Variants in MYOF observed in about 807,000 individuals in gnomAD.
MYOF encodes the protein fer-1-like 3, myoferlin.
In MYOF, 244 loss-of-function variants were observed where a neutral mutation model predicts 284.2. The ratio of observed to expected loss-of-function variants is 0.86; its 90% confidence interval spans 0.77 to 0.95. The LOEUF is 0.95. Among genes scored for constraint, MYOF ranks in the 40% least tolerant of loss-of-function variants. MYOF has a pLI of 0.00. For synonymous variants in MYOF, 904 were observed against 919.7 expected (o/e 0.98, Z 0.31); for missense variants, 2,496 against 2,560.6 (o/e 0.97, Z 0.54).
rs1467178422 is a variant in MYOF, at chr10:93,367,053, A to G, written c.2590-498T>C. ...TATACAATTAATGTTGCCATTTCCC[A>G]GGCAGTCCACCAAAAAACCCATCTG... On this transcript the variant is annotated intron_variant, in intron 25 of 53. Coordinates refer to ENST00000359263, the MANE Select transcript of MYOF (RefSeq NM_013451.4). Among the ~76,000 whole-genome samples, 3 of 152,208 alleles carry G rather than the reference A, an allele frequency of 2.0e-5. No individual in the cohort carries two copies. In the East Asian group the frequency reaches 5.8e-4, roughly 29 times the overall value.
intron 19 of MYOF, among the ~76,000 whole-genome samples, chr10:93,382,735 T>G (rs1846182149): frequency 6.6e-6 from 1 of 152,182 alleles, no homozygotes; most frequent in Admixed American, 6.5e-5. Context: ...GCACTGTGCC[T>G]TCTTTTACCA....
At chr10:93,331,303 T>C (rs768372152) in intron 43 of MYOF, among the ~76,000 whole-genome samples, 1 of 152,018 alleles carries the variant, frequency 6.6e-6, no homozygotes, top group African/African-American at 2.4e-5. Flanking sequence ...ACTGGAGCCA[T>C]CTGGGGGCTG....
At chr10:93,459,175 G>A (rs558090569) in intron 1 of MYOF, among the ~76,000 whole-genome samples, 3 of 152,124 alleles carry the variant, frequency 2.0e-5, no homozygotes, top group African/African-American at 7.2e-5. Flanking sequence ...TCCCCTAGAC[G>A]CTGTCCAGAA....
chr10:93,328,500 A>G (rs1400014905), intron 45 of MYOF, among the ~76,000 whole-genome samples: 1 of 152,210 alleles, frequency 6.6e-6, no homozygotes, highest in Non-Finnish European at 1.5e-5. Flanking sequence ...ATTACATGGA[A>G]ATTAGTTCAT....
intron 17 of MYOF, among the ~76,000 whole-genome samples, chr10:93,389,792 C>A (rs1484378434): frequency 6.6e-6 from 1 of 152,032 alleles, no homozygotes; most frequent in African/African-American, 2.4e-5. Context: ...CAATGAAGGG[C>A]ACTAAGGGCA....
intron 5 of MYOF, among the ~76,000 whole-genome samples, chr10:93,421,740 C>T (rs1409036967): frequency 1.3e-5 from 2 of 152,188 alleles, no homozygotes; most frequent in Admixed American, 1.3e-4. Flanking sequence ...TCTTGAAGCG[C>T]TCACCAGAAG....
chr10:93,351,589 T>C lies in MYOF; in HGVS notation c.3664-18A>G, dbSNP rs769289257. ...TCTTTGCCCTAGAGAAACAAAGTGA[T>C]CCTTAAATTCCCCGACAATCATCCC... On this transcript the variant is annotated intron_variant, in intron 33 of 53. Coordinates refer to ENST00000359263, the MANE Select transcript of MYOF (RefSeq NM_013451.4). 2.5e-6 allele frequency: 4 copies of C among 1,612,358 alleles called. No individual in the cohort carries two copies. In the South Asian group the frequency reaches 4.4e-5, roughly 18 times the overall value.
intron 53 of MYOF, among the ~76,000 whole-genome samples, chr10:93,309,281 C>T (rs1021802987): frequency 6.6e-6 from 1 of 152,176 alleles, no homozygotes; most frequent in African/African-American, 2.4e-5. Context: ...TGCTCTTGGG[C>T]ACAAATCATG....
chr10:93,350,507 TCCA>T (rs1004552939), intron 35 of MYOF, among the ~76,000 whole-genome samples: 4 of 152,124 alleles, frequency 2.6e-5, no homozygotes, highest in African/African-American at 4.8e-5. Flanking sequence ...GAGGCAGGGT[TCCA>T]CCATGTTGAC....
At chr10:93,334,675 G>T (rs1193252437) in intron 41 of MYOF, among the ~76,000 whole-genome samples, 1 of 152,148 alleles carries the variant, frequency 6.6e-6, no homozygotes, top group Non-Finnish European at 1.5e-5. Context: ...CCAGGAGAAA[G>T]CACTGAAGCC....
At chr10:93,446,881 C>A (rs2134282885) in intron 3 of MYOF, among the ~76,000 whole-genome samples, 1 of 152,190 alleles carries the variant, frequency 6.6e-6, no homozygotes, top group Admixed American at 6.5e-5. Context: ...CCACGCCCAG[C>A]TAATTTTTGT....
intron 23 of MYOF, among the ~76,000 whole-genome samples, 178 bp from the exon 24 acceptor site, chr10:93,373,263 G>C (rs968641464): frequency 1.3e-5 from 2 of 152,182 alleles, no homozygotes; most frequent in Non-Finnish European, 2.9e-5. Flanking sequence ...TGAGTTTGCA[G>C]GGCTGGGAGG....
chr10:93,357,328 G>A (rs1453255058), intron 29 of MYOF, among the ~76,000 whole-genome samples: 1 of 152,180 alleles, frequency 6.6e-6, no homozygotes, highest in Non-Finnish European at 1.5e-5. Context: ...TAAGTGATCA[G>A]AATATGTTAT....
intron 7 of MYOF, among the ~76,000 whole-genome samples, chr10:93,405,697 C>G (rs1161638207): frequency 6.6e-6 from 1 of 152,082 alleles, no homozygotes; most frequent in Non-Finnish European, 1.5e-5. Flanking sequence ...TTGATTACTT[C>G]CATTATCTCA....
Position 93,374,793 on chromosome 10 carries a change from C to G in MYOF, c.2271G>C (p.Trp757Cys), listed in dbSNP as rs1477597971. Residue 757 changes from tryptophan to cysteine, a missense_variant, in exon 23 of 54, where the codon TGG becomes TGC. Physicochemically the swap from Trp to Cys is radical, Grantham distance 215 (BLOSUM62 -2). Coordinates refer to ENST00000359263, the MANE Select transcript of MYOF (RefSeq NM_013451.4). Reference sequence around the variant, plus strand: ...CAGTCAGCTGCATTAATTTATCAAGCCAGTCCTCAATTTCTGCCAGTGTGG... The same window carrying G: ...CAGTCAGCTGCATTAATTTATCAAGGCAGTCCTCAATTTCTGCCAGTGTGG... ...VKSTLAEIED[W>C]LDKLMQLTEE... The G allele has an allele frequency of 2.5e-6, 4 of 1,613,918 alleles. No individual in the cohort carries two copies. The highest frequency in any genetic ancestry group is 1.7e-5 in the Admixed American group (1 of 59,972).
intron 1 of MYOF, among the ~76,000 whole-genome samples, chr10:93,462,943 T>C (rs750771603): frequency 1.3e-5 from 2 of 152,204 alleles, no homozygotes; most frequent in Non-Finnish European, 1.5e-5. Flanking sequence ...TCTAATTTTA[T>C]TAAGATGACT....
chr10:93,386,844 T>TAG (rs1564672551), intron 19 of MYOF, among the ~76,000 whole-genome samples: 1 of 152,162 alleles, frequency 6.6e-6, no homozygotes, highest in Non-Finnish European at 1.5e-5. Flanking sequence ...ATCAGACGAC[T>TAG]AGAGGGAGAA....
At chr10:93,317,148 A>G (rs926321036) in intron 49 of MYOF, among the ~76,000 whole-genome samples, 5 of 134,076 alleles carry the variant, frequency 3.7e-5, no homozygotes, top group Admixed American at 3.1e-4. Context: ...TCCTAAGGCC[A>G]GGCATTCTAG....
intron 25 of MYOF, among the ~76,000 whole-genome samples, chr10:93,367,545 T>C (rs1845382436): frequency 6.6e-6 from 1 of 152,154 alleles, no homozygotes; most frequent in Non-Finnish European, 1.5e-5. Context: ...ACTGTTATCC[T>C]AAGGGACCTT....
Sources: gnomAD v4.1 joint callset for allele counts (sites outside exome capture counted in the v4.1 genomes callset) on GRCh38, gnomAD v4.1.1 for gene constraint, MANE v1.5 for transcripts, NCBI Gene and HGNC (gene_info 2026-07-23, HGNC 2026-07-21) for gene names.